Variants in REG1A observed in about 807,000 individuals in gnomAD.
REG1A encodes the protein lithostathine-1-alpha.
REG1A carries 20 observed loss-of-function variants against 20.7 expected under a neutral mutation model. The observed-to-expected ratio is 0.97, with a 90% CI of 0.68 to 1.41. The LOEUF is 1.41. Among genes scored for constraint, REG1A ranks in the 40% most tolerant of loss-of-function variants. REG1A has a pLI of 0.00. For synonymous variants in REG1A, 90 were observed against 71.6 expected (o/e 1.26, Z -1.30); for missense variants, 193 against 201.8 (o/e 0.96, Z 0.26).
rs1424380162 is a variant in REG1A at position 79,123,189 on chromosome 2, T to C, written c.475T>C (p.Ser159Pro). 1 of 1,612,886 alleles carries C rather than the reference T, an allele frequency of 6.2e-7. No individual in the cohort carries two copies. The highest frequency in any genetic ancestry group is 1.3e-5 in the African/African-American group (1 of 75,024). ...GGATGTGCCTTGTGAAGACAAGTTC[T>C]CCTTTGTCTGCAAGTTCAAAAACTA... ...WKDVPCEDKF[S>P]FVCKFKN is the part of the protein sequence containing the mutation. The change falls in exon 6 of 6, where the codon TCC (serine) becomes CCC (proline). Residue 159 changes from serine to proline, a missense_variant. Physicochemically the swap from Ser to Pro is moderately conservative, Grantham distance 74. Transcript: ENST00000233735.
chr2:79,122,175 A>G, intron 4 of REG1A, 50 bp downstream of exon 4: 5 of 1,586,466 alleles, frequency 3.2e-6, no homozygotes, highest in Non-Finnish European at 4.3e-6. Context: ...GAGAAGTAAG[A>G]AGGAGGTTCA....
Position 79,123,306 on chromosome 2 carries a change from C to T in REG1A, c.*91C>T. ...GACCATCTCTCCAACTCAACTCAAC[C>T]TGGACACTCTCTTCTCTGCTGAGTT... is the stretch of plus-strand genomic sequence containing the variant. On this transcript the variant is annotated 3_prime_UTR_variant, in exon 6 of 6. Coordinates refer to ENST00000233735, the MANE Select transcript of REG1A (RefSeq NM_002909.5). The T allele has an allele frequency of 1.3e-6, 1 of 745,152 alleles. No homozygotes were observed. Among genetic ancestry groups the T allele is most frequent in the Non-Finnish European group, 2.3e-6 (1 of 439,806 alleles). The allele number at this position is 745,152 out of a possible 1,614,324, so 46.2% of individuals were successfully genotyped here. A position where few individuals can be genotyped will look rare whatever the true frequency, so the allele number is the denominator to read the frequency against.
At chr2:79,122,807 A>G in intron 4 of REG1A, 34 bp from the exon 5 acceptor site, 1 of 1,475,820 alleles carries the variant, frequency 6.8e-7, no homozygotes. Flanking sequence ...TTTTTGAGTG[A>G]CCACTGCCTC....
At position 79,122,910 on chromosome 2, in the gene REG1A, A is replaced by G. The variant is rs772360419; in HGVS notation, c.391A>G (p.Ser131Gly). 1 of 1,614,046 alleles carries G rather than the reference A, an allele frequency of 6.2e-7. No individual in the cohort carries two copies. The highest frequency in any genetic ancestry group is 1.1e-5 in the South Asian group (1 of 91,084). ...GTCCTGGGGCATTGGAGCCCCAAGC[A>G]GTGTTAATCCTGGCTACTGTGTGAG... The part of the protein sequence containing the change: ...YKSWGIGAPS[S>G]VNPGYCVSLT... The change falls in exon 5 of 6, where the codon AGT (serine) becomes GGT (glycine). Residue 131 changes from serine to glycine, a missense_variant. Coordinates refer to ENST00000233735, the MANE Select transcript of REG1A (RefSeq NM_002909.5).
intron 5 of REG1A, 70 bp downstream of exon 5, chr2:79,123,022 T>G (rs1672910141): frequency 6.7e-7 from 1 of 1,483,976 alleles, no homozygotes. Context: ...GAACTGGGAC[T>G]GGGATAGAGG....
intron 4 of REG1A, 108 bp from the exon 5 acceptor site, chr2:79,122,733 T>C: frequency 1.3e-6 from 1 of 774,254 alleles, no homozygotes; most frequent in Non-Finnish European, 2.2e-6. Flanking sequence ...TTTAGCAAGG[T>C]TTATTCTTCC....
Position 79,122,961 on chromosome 2 carries a change from C to A in REG1A, c.433+9C>A, listed in dbSNP as rs987444414. Reference sequence around the variant, plus strand: ...CCTGACCTCAAGCACAGGTGAGAGGCAGAGAATCCATCCACCTGTTTCTGT... The same window carrying A: ...CCTGACCTCAAGCACAGGTGAGAGGAAGAGAATCCATCCACCTGTTTCTGT... On this transcript the variant is annotated intron_variant, in intron 5 of 5. Coordinates refer to ENST00000233735, the MANE Select transcript of REG1A (RefSeq NM_002909.5). The A allele has an allele frequency of 6.9e-6, 11 of 1,602,898 alleles. No homozygotes were observed. The highest frequency in any genetic ancestry group is 5.0e-5 in the Admixed American group (3 of 59,964).
At position 79,122,025 on chromosome 2, in the gene REG1A, C is replaced by T. The variant is rs267599470; in HGVS notation, c.221C>T (p.Ser74Phe). ...AACATGAATTCGGGCAACCTGGTGT[C>T]TGTGCTCACCCAGGCCGAGGGTGCC... ...CQNMNSGNLVSVLTQAEGAFV... is the reference protein window; with the variant it reads ...CQNMNSGNLVFVLTQAEGAFV... The change falls in exon 4 of 6, where the codon TCT becomes TTT. Residue 74 changes from serine (S) to phenylalanine (F), a missense_variant. Ser to Phe is a radical substitution (Grantham distance 155, BLOSUM62 -2). Transcript: ENST00000233735. 1 of 1,614,110 alleles carries T rather than the reference C, an allele frequency of 6.2e-7. No homozygotes were observed. Among genetic ancestry groups the T allele is most frequent in the African/African-American group, 1.3e-5 (1 of 75,028 alleles).
In REG1A at chr2:79,123,041, A is replaced by T. The variant is rs1434952350; in HGVS notation, c.433+89A>T. ...TGGGACTGGGATAGAGGAAAGGTGA[A>T]CTCCTCATTAAGGAAATGGATGTTT... is the stretch of plus-strand genomic sequence containing the variant. On this transcript the variant is annotated intron_variant, in intron 5 of 5. Transcript: ENST00000233735. 31 of 1,435,508 alleles carry T rather than the reference A, an allele frequency of 2.2e-5. No homozygotes were observed. In the East Asian group the frequency reaches 6.6e-4, roughly 31 times the overall value. The allele number at this position is 1,435,508 out of a possible 1,614,324, so 88.9% of individuals were successfully genotyped here.
Position 79,121,884 on chromosome 2 carries a change from G to A in REG1A, c.184-104G>A, listed in dbSNP as rs189929288. 146 of 1,487,754 alleles carry A rather than the reference G, an allele frequency of 9.8e-5. No homozygotes were observed. In the African/African-American group the frequency reaches 1.7e-3, roughly 17 times the overall value. The allele number at this position is 1,487,754 out of a possible 1,614,324, so 92.2% of individuals were successfully genotyped here. On this transcript the variant is annotated intron_variant, in intron 3 of 5. Coordinates refer to ENST00000233735, the MANE Select transcript of REG1A (RefSeq NM_002909.5). ...TGGTGGTCAGTGACAGCATCATCAC[G>A]GACATTACTCTGCTGTCCTTTTTCT...
Position 79,121,565 on chromosome 2 carries a change from A to G in REG1A, c.68A>G (p.Gln23Arg), listed in dbSNP as rs540694642. 6 of 1,613,552 alleles carry G rather than the reference A, an allele frequency of 3.7e-6. No individual in the cohort carries two copies. The highest frequency in any genetic ancestry group is 1.3e-5 in the African/African-American group (1 of 74,912). ...CLMFLSQSQGQEAQTELPQAR... is the reference protein window; with the variant it reads ...CLMFLSQSQGREAQTELPQAR... ...TTAATTGTCTCTTCTTTTTCAGGCC[A>G]AGAGGCCCAGACAGAGTTGCCCCAG... is the stretch of plus-strand genomic sequence containing the variant. Residue 23 changes from glutamine (Q) to arginine (R), a missense_variant, in exon 3 of 6, where the codon CAA becomes CGA. By Grantham distance (43) the Gln-to-Arg change is conservative. Coordinates refer to ENST00000233735, the MANE Select transcript of REG1A (RefSeq NM_002909.5).
rs768822390 is a variant in REG1A at position 79,122,829 on chromosome 2, T to C, written c.322-12T>C. 6.2e-7 allele frequency: 1 copy of C among 1,606,862 alleles called. No homozygotes were observed. Among genetic ancestry groups the C allele is most frequent in the Non-Finnish European group, 8.5e-7 (1 of 1,174,680 alleles). On this transcript the variant is annotated splice_polypyrimidine_tract_variant and intron_variant, in intron 4 of 5. Transcript: ENST00000233735. ...GTGACCACTGCCTCTGTTCTGGCCC[T>C]TCCCCATCTAGAACCGCCGCTGGCA...
rs1373593422 is a variant in REG1A, at chr2:79,123,149, A to G, written c.435A>G (p.Gly145=). ...GYCVSLTSST[G]FQKWKDVPCE... ...GTAACTCTTCTCATTGACTTATAGG[A>G]TTCCAGAAATGGAAGGATGTGCCTT... Residue 145 remains glycine, a splice_region_variant and synonymous_variant, in exon 6 of 6, where the codon GGA becomes GGG. Transcript: ENST00000233735. 1.2e-6 allele frequency: 2 copies of G among 1,611,866 alleles called. No homozygotes were observed. The highest frequency in any genetic ancestry group is 2.2e-5 in the South Asian group (2 of 90,836).
chr2:79,122,535 G>A (rs1453029350), intron 4 of REG1A, among the ~76,000 whole-genome samples: 1 of 152,000 alleles, frequency 6.6e-6, no homozygotes, highest in African/African-American at 2.4e-5. Context: ...ACAACTAATG[G>A]TCAGCCAATG....
rs1672885934 is a variant in REG1A at position 79,121,549 on chromosome 2, T to C, written c.65-13T>C. The C allele has an allele frequency of 1.9e-6, 3 of 1,609,958 alleles. No individual in the cohort carries two copies. The highest frequency in any genetic ancestry group is 2.6e-6 in the Non-Finnish European group (3 of 1,176,266). ...ACCCTGAGAGCCTCCTTTAATTGTCTCTTCTTTTTCAGGCCAAGAGGCCCA... is the reference window on the plus strand; with the variant it reads ...ACCCTGAGAGCCTCCTTTAATTGTCCCTTCTTTTTCAGGCCAAGAGGCCCA... On this transcript the variant is annotated splice_polypyrimidine_tract_variant and intron_variant, in intron 2 of 5. Transcript: ENST00000233735.
Position 79,121,995 on chromosome 2 carries a change from G to A in REG1A, c.191G>A (p.Cys64Tyr). The change falls in exon 4 of 6, where the codon TGC becomes TAC. Residue 64 changes from cysteine (C) to tyrosine (Y), a missense_variant. Transcript: ENST00000233735. ...CATTTTCTTCTGCAACAGCTCTATTGCCAGAACATGAATTCGGGCAACCTG... is the reference window on the plus strand; with the variant it reads ...CATTTTCTTCTGCAACAGCTCTATTACCAGAACATGAATTCGGGCAACCTG... ...RETWVDADLYCQNMNSGNLVS... is the reference protein window; with the variant it reads ...RETWVDADLYYQNMNSGNLVS... 2 of 1,613,822 alleles carry A rather than the reference G, an allele frequency of 1.2e-6. No individual in the cohort carries two copies. Among genetic ancestry groups the A allele is most frequent in the Non-Finnish European group, 1.7e-6 (2 of 1,179,920 alleles).
intron 4 of REG1A, 56 bp downstream of exon 4, chr2:79,122,181 G>T: frequency 6.3e-7 from 1 of 1,578,812 alleles, no homozygotes; most frequent in Non-Finnish European, 8.6e-7. Flanking sequence ...TAAGAAGGAG[G>T]TTCAAGTTCT....
intron 2 of REG1A, 75 bp from the exon 3 acceptor site, chr2:79,121,473 TTCTATAAAGGAACC>T: frequency 9.9e-7 from 1 of 1,005,802 alleles, no homozygotes; most frequent in Non-Finnish European, 1.6e-6. Context: ...ATTCTTCTGT[TTCTATAAAGGAACC>T]TCAGAAGCTC....
chr2:79,120,911 T>G lies in REG1A; in HGVS notation c.50T>G (p.Leu17Arg). The G allele has an allele frequency of 3.7e-6, 6 of 1,613,522 alleles. No individual in the cohort carries two copies. Among genetic ancestry groups the G allele is most frequent in the Non-Finnish European group, 5.1e-6 (6 of 1,179,664 alleles). The part of the protein sequence containing the change: ...YFMLISCLMF[L>R]SQSQGQEAQT... ...ATGCTGATCTCCTGCCTGATGTTTC[T>G]GTCTCAGAGCCAAGGTAAGATCTCT... Residue 17 changes from leucine (L) to arginine (R), a missense_variant, in exon 2 of 6, where the codon CTG becomes CGG. By Grantham distance (102) the Leu-to-Arg change is moderately radical. Transcript: ENST00000233735.
Sources: gnomAD v4.1 joint callset for allele counts (sites outside exome capture counted in the v4.1 genomes callset) on GRCh38, gnomAD v4.1.1 for gene constraint, MANE v1.5 for transcripts, NCBI Gene and HGNC (gene_info 2026-07-23, HGNC 2026-07-21) for gene names.